CAMK2A: variants seen among roughly 807,000 people sequenced by gnomAD.
The protein encoded by CAMK2A is calcium/calmodulin-dependent protein kinase type II subunit alpha.
In CAMK2A, 7 loss-of-function variants were observed where a neutral mutation model predicts 79.2. The observed-to-expected ratio is 0.09, with a 90% CI of 0.05 to 0.17. The LOEUF is 0.17. CAMK2A is among the 10% of genes least tolerant of loss of function. The pLI is 1.00. For missense variants in CAMK2A, 214 were observed against 646.4 expected (o/e 0.33, Z 7.25); for synonymous variants, 242 against 251.7 (o/e 0.96, Z 0.36).
rs58360121 is a variant in CAMK2A at position 150,225,041 on chromosome 5, GGAGAGAGAGA to G, written c.1238-1834_1238-1825del. Among the ~76,000 whole-genome samples the G allele has an allele frequency of 3.7e-4, 40 of 108,934 alleles. No individual in the cohort carries two copies. In the South Asian group the frequency reaches 4.6e-3, roughly 13 times the overall value. 71.5% of individuals were successfully genotyped at this position (108,934 alleles called of 152,430 possible). On this transcript the variant is annotated intron_variant, in intron 17 of 18. Coordinates refer to ENST00000671881, the MANE Select transcript of CAMK2A (RefSeq NM_015981.4). ...GCCAGTCTCATAACCTGGTAGGTAG[GGAGAGAGAGA>G]GAGAGAGAGAGAGAGAGAGAGAAAG...
chr5:150,254,520 A>C (rs548495060), intron 6 of CAMK2A, among the ~76,000 whole-genome samples: 1 of 152,326 alleles, frequency 6.6e-6, no homozygotes, highest in African/African-American at 2.4e-5. Context: ...GATGAGGCTT[A>C]TACATGGGGC....
chr5:150,263,441 C>A (rs1440408108), intron 3 of CAMK2A, among the ~76,000 whole-genome samples: 2 of 151,680 alleles, frequency 1.3e-5, no homozygotes, highest in Non-Finnish European at 2.9e-5. Flanking sequence ...CACACACATT[C>A]ACACACTCAC....
At chr5:150,247,350 C>T (rs898093272) in intron 12 of CAMK2A, among the ~76,000 whole-genome samples, 2 of 152,258 alleles carry the variant, frequency 1.3e-5, no homozygotes, top group Non-Finnish European at 2.9e-5. Flanking sequence ...ATCCCCTCTG[C>T]TGCCTTGTCA....
In CAMK2A at chr5:150,241,950, G is replaced by A. The variant is rs149099727; in HGVS notation, c.985-2214C>T. ...TGTCAGCAGAAACCCGAGGAGCCGC[G>A]CAGGGGCCAGGAGGTTCCAGGCGGG... On this transcript the variant is annotated intron_variant, in intron 13 of 18. Transcript: ENST00000671881. 3.9e-5 allele frequency among the ~76,000 whole-genome samples: 6 copies of A among 152,306 alleles called. No individual in the cohort carries two copies. The East Asian group carries it at 5.8e-4, about 15-fold the overall frequency.
chr5:150,229,378 G>A (rs781583783), intron 16 of CAMK2A, among the ~76,000 whole-genome samples: 9 of 152,192 alleles, frequency 5.9e-5, no homozygotes, highest in Non-Finnish European at 1.0e-4. Context: ...ACATGTGGGA[G>A]ACTGAGCGCC....
intron 13 of CAMK2A, among the ~76,000 whole-genome samples, chr5:150,242,513 C>T (rs1755393551): frequency 6.6e-6 from 1 of 152,144 alleles, no homozygotes; most frequent in African/African-American, 2.4e-5. Flanking sequence ...AGCTGCCCAG[C>T]GGTAGGAGGA....
chr5:150,249,609 C>T (rs1208903656), intron 11 of CAMK2A, among the ~76,000 whole-genome samples: 1 of 151,668 alleles, frequency 6.6e-6, no homozygotes, highest in African/African-American at 2.4e-5. Context: ...AGTGCAATGG[C>T]ACGATCTCAC....
chr5:150,237,370 C>A (rs1011980029), intron 15 of CAMK2A, among the ~76,000 whole-genome samples: 35 of 88,490 alleles, frequency 4.0e-4, no homozygotes, highest in Admixed American at 1.7e-3. Flanking sequence ...TTTCAGAGAC[C>A]CCCCCCTGCC....
rs559912434 is a variant in CAMK2A, at chr5:150,228,256, G to A, written c.1173C>T (p.Phe391=). 10 of 1,614,002 alleles carry A rather than the reference G, an allele frequency of 6.2e-6. No homozygotes were observed. Among genetic ancestry groups the A allele is most frequent in the Non-Finnish European group, 7.6e-6 (9 of 1,179,952 alleles). Residue 391 remains phenylalanine, a synonymous_variant, in exon 17 of 19, where the codon TTC becomes TTT. Coordinates refer to ENST00000671881, the MANE Select transcript of CAMK2A (RefSeq NM_015981.4). ...CCAGGTTCCCCAGGGCCTCAGGTTC[G>A]AAGGCTGTCATGCCAGGGTCGCACA... ...TKMCDPGMTA[F]EPEALGNLVE...
Position 150,222,447 on chromosome 5 carries a change from T to A in CAMK2A, c.*263A>T. 1.4e-6 allele frequency: 1 copy of A among 698,368 alleles called. No individual in the cohort carries two copies. 43.3% of individuals were successfully genotyped at this position (698,368 alleles called of 1,614,324 possible). A position where few individuals can be genotyped will look rare whatever the true frequency, so the allele number is the denominator to read the frequency against. Reference sequence around the variant, plus strand: ...GAGGCTGGGGAGAGGGGGCCAGTGCTGTGGACACCCATGCCTGAGGAAGCC... The same window carrying A: ...GAGGCTGGGGAGAGGGGGCCAGTGCAGTGGACACCCATGCCTGAGGAAGCC... On this transcript the variant is annotated 3_prime_UTR_variant, in exon 19 of 19. Transcript: ENST00000671881.
At chr5:150,283,003 C>G (rs963753825) in intron 1 of CAMK2A, among the ~76,000 whole-genome samples, 1 of 152,202 alleles carries the variant, frequency 6.6e-6, no homozygotes, top group African/African-American at 2.4e-5. Context: ...CCCCTCAGGC[C>G]CCAGGACATC....
At chr5:150,242,205 C>T (rs748893946) in intron 13 of CAMK2A, among the ~76,000 whole-genome samples, 2 of 152,160 alleles carry the variant, frequency 1.3e-5, no homozygotes, top group African/African-American at 2.4e-5. Context: ...GGATCACAAA[C>T]GATGATGCTA....
At chr5:150,283,837 C>T (rs58299564) in intron 1 of CAMK2A, among the ~76,000 whole-genome samples, 17,545 of 152,132 alleles carry the variant, frequency 0.12, 1,358 homozygotes, top group East Asian at 0.34. Flanking sequence ...CAGGAAATAC[C>T]TGTTGAAAGG....
chr5:150,236,718 G>A (rs936983935), intron 15 of CAMK2A, among the ~76,000 whole-genome samples: 1 of 152,216 alleles, frequency 6.6e-6, no homozygotes, highest in Admixed American at 6.5e-5. Context: ...AAGGGGAACA[G>A]CTTAGAAGCA....
At position 150,256,142 on chromosome 5, in the gene CAMK2A, A is replaced by G. The variant is rs1387429510; in HGVS notation, c.411+431T>C. Among the ~76,000 whole-genome samples, 1 of 152,152 alleles carries G rather than the reference A, an allele frequency of 6.6e-6. No homozygotes were observed. Among genetic ancestry groups the G allele is most frequent in the African/African-American group, 2.4e-5 (1 of 41,416 alleles). ...TGTATACCAGGCCCCGTGCTATCTCATTTCATATCCTCACCAACCCTTTGC... is the reference window on the plus strand; with the variant it reads ...TGTATACCAGGCCCCGTGCTATCTCGTTTCATATCCTCACCAACCCTTTGC... On this transcript the variant is annotated intron_variant, in intron 6 of 18. Transcript: ENST00000671881. The surrounding 1 kb of genome is among the most constrained non-coding windows in gnomAD (Gnocchi z 4.6).
intron 13 of CAMK2A, among the ~76,000 whole-genome samples, chr5:150,241,103 G>A (rs1755315425): frequency 6.6e-6 from 1 of 152,232 alleles, no homozygotes; most frequent in Non-Finnish European, 1.5e-5. Flanking sequence ...ACAAAGTGAT[G>A]GTTGGGCCAG....
chr5:150,280,255 C>T (rs1757152070), intron 1 of CAMK2A, among the ~76,000 whole-genome samples: 1 of 152,144 alleles, frequency 6.6e-6, no homozygotes, highest in East Asian at 1.9e-4. Flanking sequence ...CTATCGTGGC[C>T]TTCTGGGGAC....
At chr5:150,254,971 C>A (rs1018926409) in intron 6 of CAMK2A, among the ~76,000 whole-genome samples, 2 of 152,120 alleles carry the variant, frequency 1.3e-5, no homozygotes, top group African/African-American at 4.8e-5. Flanking sequence ...TCTGAAGGGT[C>A]CCACCTCTGA....
intron 1 of CAMK2A, among the ~76,000 whole-genome samples, chr5:150,283,958 G>A (rs1052329378): frequency 2.0e-5 from 3 of 152,178 alleles, no homozygotes; most frequent in Admixed American, 6.5e-5. Context: ...ACCTGACACC[G>A]TGGTAGACAG....
Sources: gnomAD v4.1 joint callset for allele counts (sites outside exome capture counted in the v4.1 genomes callset) on GRCh38, gnomAD v4.1.1 for gene constraint, Gnocchi (gnomAD v3.1) non-coding constraint, MANE v1.5 for transcripts, NCBI Gene and HGNC (gene_info 2026-07-23, HGNC 2026-07-21) for gene names.